PTPRE: variants seen among roughly 807,000 people sequenced by gnomAD.
The protein encoded by PTPRE is protein tyrosine phosphatase receptor type E, also known as receptor-type tyrosine-protein phosphatase epsilon.
A neutral mutation model predicts 102.0 loss-of-function variants in PTPRE; 51 were observed. The ratio of observed to expected loss-of-function variants is 0.50; its 90% CI spans 0.40 to 0.63. The LOEUF is 0.63. Ranked by LOEUF, PTPRE falls within the 30% of genes least tolerant of loss-of-function variation. The probability of loss-of-function intolerance (pLI) is 0.00; values close to 1 mark genes in which losing one functional copy is unlikely to be tolerated. For synonymous variants in PTPRE, 345 were observed against 348.2 expected, an observed-to-expected ratio of 0.99 and a Z score of 0.10; for missense variants, 752 against 915.1, an observed-to-expected ratio of 0.82 and a Z score of 2.30.
chr10:128,027,319 G>C (rs1050741517), intron 2 of PTPRE, among the ~76,000 whole-genome samples: 1 of 152,186 alleles, frequency 6.6e-6, no homozygotes, highest in African/African-American at 2.4e-5. Context: ...CTGCTTCCTA[G>C]CACTCTCCCT....
intron 2 of PTPRE, among the ~76,000 whole-genome samples, chr10:128,012,283 T>C (rs1417775360): frequency 6.6e-6 from 1 of 152,206 alleles, no homozygotes; most frequent in Non-Finnish European, 1.5e-5. Flanking sequence ...TCAAGGGTGA[T>C]TTTAGGGCAA....
chr10:127,969,588 A>G lies in PTPRE; in HGVS notation c.-30-12686A>G, dbSNP rs548477573. ...GAGGCTGAGGCACAAGAATTGCTTG[A>G]ACTTGGGAGGCAGAGGTTGCAATGA... On this transcript the variant is annotated intron_variant, in intron 1 of 20. Coordinates refer to ENST00000254667, the MANE Select transcript of PTPRE (RefSeq NM_006504.6). Among the ~76,000 whole-genome samples the G allele has an allele frequency of 3.5e-3, 528 of 150,840 alleles. 4 individuals are homozygous for G. The highest frequency in any genetic ancestry group is 6.1e-3 in the Non-Finnish European group (416 of 67,840).
At chr10:127,956,279 A>C (rs1224952477) in intron 1 of PTPRE, among the ~76,000 whole-genome samples, 2 of 152,188 alleles carry the variant, frequency 1.3e-5, no homozygotes, top group African/African-American at 4.8e-5. Flanking sequence ...GGGTATTTCC[A>C]GAGGAGATTA....
chr10:127,981,587 G>A (rs1851620634), intron 1 of PTPRE, among the ~76,000 whole-genome samples: 1 of 152,152 alleles, frequency 6.6e-6, no homozygotes, highest in Non-Finnish European at 1.5e-5. Flanking sequence ...TGAGCCCGAG[G>A]CGAGCAGATC....
chr10:128,046,359 G>A (rs1009939093), intron 3 of PTPRE, among the ~76,000 whole-genome samples: 2 of 152,210 alleles, frequency 1.3e-5, no homozygotes, highest in African/African-American at 2.4e-5. Context: ...TGGACCCTGC[G>A]CTGGGCTCAG....
chr10:128,030,882 C>T (rs1307784973), intron 2 of PTPRE, among the ~76,000 whole-genome samples: 3 of 152,192 alleles, frequency 2.0e-5, no homozygotes, highest in Non-Finnish European at 2.9e-5. Flanking sequence ...GCCCTCCAGA[C>T]CCCTCTAGAC....
At chr10:128,037,047 C>T (rs189530706) in intron 2 of PTPRE, among the ~76,000 whole-genome samples, 1 of 152,302 alleles carries the variant, frequency 6.6e-6, no homozygotes, top group Non-Finnish European at 1.5e-5. Flanking sequence ...GCCATTATTC[C>T]CCAGATACTC....
chr10:127,922,568 A>C (rs1184681989), intron 1 of PTPRE, among the ~76,000 whole-genome samples: 1 of 152,242 alleles, frequency 6.6e-6, no homozygotes, highest in Non-Finnish European at 1.5e-5. Context: ...CCTGTCATCC[A>C]AGTGGGCACT....
intron 2 of PTPRE, among the ~76,000 whole-genome samples, chr10:128,007,365 G>A (rs746557312): frequency 5.3e-5 from 8 of 152,190 alleles, no homozygotes; most frequent in Non-Finnish European, 1.2e-4. Context: ...GTTCTGAGTG[G>A]AGATGTTTAG....
intron 3 of PTPRE, among the ~76,000 whole-genome samples, chr10:128,041,522 C>T (rs980602738): frequency 3.3e-5 from 5 of 151,762 alleles, no homozygotes; most frequent in Admixed American, 2.6e-4. Flanking sequence ...GTGGTGGGCG[C>T]CTGTAGTCCC....
rs950475669 is a variant in PTPRE at position 127,973,775 on chromosome 10, C to T, written c.-30-8499C>T. On this transcript the variant is annotated intron_variant, in intron 1 of 20. Coordinates refer to ENST00000254667, the MANE Select transcript of PTPRE (RefSeq NM_006504.6). Reference sequence around the variant, plus strand: ...GATGCATCATTTTCTGATAGCTCTGCGCCTGAACGCCACCTCTGTCGATGG... The same window carrying T: ...GATGCATCATTTTCTGATAGCTCTGTGCCTGAACGCCACCTCTGTCGATGG... Among the ~76,000 whole-genome samples the T allele has an allele frequency of 3.3e-5, 5 of 152,158 alleles. No individual in the cohort carries two copies. In the South Asian group the frequency reaches 6.2e-4, roughly 19 times the overall value.
rs758104570 is a variant in PTPRE, at chr10:128,066,089, G to A, written c.738G>A (p.Gln246=). The A allele has an allele frequency of 3.8e-5, 61 of 1,614,226 alleles. No individual in the cohort carries two copies. In the South Asian group the frequency reaches 4.8e-4, roughly 13 times the overall value. Residue 246 remains glutamine, a synonymous_variant, in exon 11 of 21, where the codon CAG becomes CAA. Coordinates refer to ENST00000254667, the MANE Select transcript of PTPRE (RefSeq NM_006504.6). The part of the protein sequence containing the change: ...LKERKEEKCH[Q]YWPDQGCWTY... ...GTTCCGTGCAGGAAAAGTGCCATCA[G>A]TACTGGCCCGACCAAGGCTGCTGGA...
rs12571337 is a variant in PTPRE at position 128,064,539 on chromosome 10, G to A, written c.723+1359G>A. Among the ~76,000 whole-genome samples the A allele has an allele frequency of 5.8e-3, 880 of 152,302 alleles. 59 individuals are homozygous for A. The East Asian group carries it at 0.14, about 24-fold the overall frequency. ...TTCATCAGGAGCCTCAGGGTCCCCC[G>A]TGACCCATGGCCCATAGGGACCAGT... On this transcript the variant is annotated intron_variant, in intron 10 of 20. Transcript: ENST00000254667.
chr10:127,933,905 T>A (rs1015115996), intron 1 of PTPRE, among the ~76,000 whole-genome samples: 70 of 152,086 alleles, frequency 4.6e-4, no homozygotes, highest in African/African-American at 1.3e-3. Flanking sequence ...GGCATGATAA[T>A]CCTGATTTGA....
Position 128,059,922 on chromosome 10 carries a change from TACACACACACTACATGCACAC to T in PTPRE, c.512-1006_512-986del, listed in dbSNP as rs1396515019. 4.1e-5 allele frequency among the ~76,000 whole-genome samples: 6 copies of T among 145,084 alleles called. No individual in the cohort carries two copies. The Admixed American group carries it at 4.3e-4, about 10-fold the overall frequency. On this transcript the variant is annotated intron_variant, in intron 7 of 20. Transcript: ENST00000254667. ...TCATGATGGAGCCCTGACGTGTGTG[TACACACACACTACATGCACAC>T]ACACACACACAACACACACACTACA...
intron 2 of PTPRE, among the ~76,000 whole-genome samples, chr10:128,035,101 G>T (rs1847100861): frequency 6.6e-6 from 1 of 152,146 alleles, no homozygotes; most frequent in East Asian, 1.9e-4. Flanking sequence ...TCCCACCTCA[G>T]TCCAGCAAGT....
In PTPRE at chr10:128,077,711, T is replaced by C; in HGVS notation, c.1820T>C (p.Met607Thr). The C allele has an allele frequency of 6.2e-7, 1 of 1,613,686 alleles. No homozygotes were observed. The highest frequency in any genetic ancestry group is 8.5e-7 in the Non-Finnish European group (1 of 1,179,640). ...EIGIPAEGKG[M>T]IDLIAAVQKQ... is the part of the protein sequence containing the mutation. ...GGGATTCCCGCCGAGGGCAAAGGCATGATTGACCTCATCGCAGCCGTGCAG... is the reference window on the plus strand; with the variant it reads ...GGGATTCCCGCCGAGGGCAAAGGCACGATTGACCTCATCGCAGCCGTGCAG... Residue 607 changes from methionine to threonine, a missense_variant, in exon 19 of 21, where the codon ATG becomes ACG. Around this residue, in one of 2 missense-constraint regions of PTPRE, gnomAD observed 636 missense variants for 824.4 expected, o/e 0.77. Coordinates refer to ENST00000254667, the MANE Select transcript of PTPRE (RefSeq NM_006504.6).
intron 7 of PTPRE, among the ~76,000 whole-genome samples, chr10:128,058,976 A>G (rs1293671192): frequency 6.6e-6 from 1 of 152,206 alleles, no homozygotes; most frequent in Non-Finnish European, 1.5e-5. Flanking sequence ...GAAAGACTAT[A>G]GAAAGATGGC....
intron 2 of PTPRE, among the ~76,000 whole-genome samples, chr10:128,029,277 C>G (rs1038558226): frequency 6.6e-6 from 1 of 152,190 alleles, no homozygotes; most frequent in African/African-American, 2.4e-5. Flanking sequence ...GAAGACCCAC[C>G]TACAGGTTTC....
Sources: gnomAD v4.1 joint callset for allele counts (sites outside exome capture counted in the v4.1 genomes callset) on GRCh38, gnomAD v4.1.1 for gene constraint, gnomAD v4.1.1 regional missense constraint, MANE v1.5 for transcripts, NCBI Gene and HGNC (gene_info 2026-07-23, HGNC 2026-07-21) for gene names.